SELP: variants seen among roughly 807,000 people sequenced by gnomAD.
SELP encodes the protein P-selectin.
A neutral mutation model predicts 104.1 loss-of-function variants in SELP; 92 were observed. The ratio of observed to expected loss-of-function variants is 0.88; its 90% confidence interval spans 0.75 to 1.05. The LOEUF (loss-of-function observed/expected upper bound fraction) is 1.05. Among genes scored for constraint, SELP ranks in the 50% least tolerant of loss-of-function variants. The pLI, the probability that SELP is intolerant of heterozygous loss-of-function variation, is 0.00. For synonymous variants in SELP, 397 were observed against 364.5 expected (o/e 1.09, Z -1.01); for missense variants, 1,022 against 1,017.3 (o/e 1.00, Z -0.06).
At chr1:169,612,481 G>A in intron 5 of SELP, 79 bp from the exon 6 acceptor site, 1 of 1,397,766 alleles carries the variant, frequency 7.2e-7, no homozygotes, top group Admixed American at 1.8e-5. Flanking sequence ...AAATTCTGCA[G>A]CAGTCACACC....
chr1:169,594,952 C>G lies in SELP; in HGVS notation c.2102-75G>C, dbSNP rs563750271. The G allele has an allele frequency of 1.1e-5, 15 of 1,331,928 alleles. 1 individual carries two copies. The South Asian group carries it at 1.7e-4, about 15-fold the overall frequency. 82.5% of individuals were successfully genotyped at this position (1,331,928 alleles called of 1,614,324 possible). ...AAGAGATTATAGTTTCTTTTGTAAC[C>G]TAACATTGCCAATAAATGAGGCAGA... On this transcript the variant is annotated intron_variant, in intron 12 of 16. Coordinates refer to ENST00000263686, the MANE Select transcript of SELP (RefSeq NM_003005.4).
intron 7 of SELP, among the ~76,000 whole-genome samples, 156 bp from the exon 8 acceptor site, chr1:169,609,845 C>T (rs1176061085): frequency 6.6e-6 from 1 of 152,108 alleles, no homozygotes; most frequent in African/African-American, 2.4e-5. Context: ...CCTGGAACAC[C>T]TTCCCATGCC....
At position 169,621,757 on chromosome 1, in the gene SELP, T is replaced by C. The variant is rs1000889281; in HGVS notation, c.4-2538A>G. 2.6e-5 allele frequency among the ~76,000 whole-genome samples: 4 copies of C among 152,324 alleles called. No homozygotes were observed. The East Asian group carries it at 7.7e-4, about 29-fold the overall frequency. On this transcript the variant is annotated intron_variant, in intron 1 of 16. Coordinates refer to ENST00000263686, the MANE Select transcript of SELP (RefSeq NM_003005.4). ...AAGCTGCTGATCTCTGCAGGACCTA[T>C]GATTAAACACTGAGAGTATCATAAC... is the stretch of plus-strand genomic sequence containing the variant.
rs762259393 is a variant in SELP, at chr1:169,611,582, C to T, written c.1057G>A (p.Glu353Lys). The T allele has an allele frequency of 6.2e-7, 1 of 1,614,116 alleles. No individual in the cohort carries two copies. Among genetic ancestry groups the T allele is most frequent in the Non-Finnish European group, 8.5e-7 (1 of 1,180,016 alleles). ...CTCACTCTGTAGCCGGGCTGGCACT[C>T]AAATTTACAGCTGGAGCCATAGGCA... ...AFAYGSSCKF[E>K]CQPGYRVRGL... Residue 353 changes from glutamate (E) to lysine (K), a missense_variant, in exon 7 of 17, where the codon GAG becomes AAG. By Grantham distance (56) the Glu-to-Lys change is moderately conservative. Coordinates refer to ENST00000263686, the MANE Select transcript of SELP (RefSeq NM_003005.4).
rs1250508799 is a variant in SELP at position 169,613,048 on chromosome 1, T to C, written c.656A>G (p.Asn219Ser). ...VLMNCSHPLG[N>S]FSFNSQCSFH... ...GCTGCACTGCGAGTTAAAAGAGAAG[T>C]TTCCCAGAGGGTGGCTGCAGTTCAT... The change falls in exon 5 of 17, where the codon AAC (asparagine) becomes AGC (serine). Residue 219 changes from asparagine (N) to serine (S), a missense_variant. Coordinates refer to ENST00000263686, the MANE Select transcript of SELP (RefSeq NM_003005.4). 1.2e-6 allele frequency: 2 copies of C among 1,613,790 alleles called. No homozygotes were observed. Among genetic ancestry groups the C allele is most frequent in the Non-Finnish European group, 1.7e-6 (2 of 1,179,794 alleles).
Position 169,617,068 on chromosome 1 carries a change from A to C in SELP, c.441T>G (p.Asp147Glu). Residue 147 changes from aspartate to glutamate, a missense_variant, in exon 3 of 17, where the codon GAT becomes GAG. Transcript: ENST00000263686. ...CGTGCTTTTTCTTCAAGCAGTGCTC[A>C]TCATTCCACTTGCCAGGGGCTGACG... The part of the protein sequence containing the change: ...KSPSAPGKWN[D>E]EHCLKKKHAL... 6.2e-7 allele frequency: 1 copy of C among 1,613,816 alleles called. No individual in the cohort carries two copies. Among genetic ancestry groups the C allele is most frequent in the Non-Finnish European group, 8.5e-7 (1 of 1,179,960 alleles).
intron 6 of SELP, 61 bp from the exon 7 acceptor site, chr1:169,611,738 G>A: frequency 2.0e-6 from 3 of 1,516,048 alleles, no homozygotes; most frequent in Admixed American, 1.8e-5. Context: ...GCCACACAGA[G>A]AGCAATGGTG....
At chr1:169,590,094 CA>C in intron 16 of SELP, 52 bp downstream of exon 16, 1 of 1,209,926 alleles carries the variant, frequency 8.3e-7, no homozygotes, top group Non-Finnish European at 1.2e-6. Flanking sequence ...TATAGTCTTC[CA>C]TTTTTCCCTA....
intron 11 of SELP, among the ~76,000 whole-genome samples, chr1:169,596,339 A>G (rs1159690844): frequency 6.6e-6 from 1 of 152,198 alleles, no homozygotes. Context: ...ATCCTTGAGG[A>G]GATGATTCTC....
chr1:169,609,674 G>A lies in SELP; in HGVS notation c.1163C>T (p.Pro388Leu), dbSNP rs1043650610. 1.1e-5 allele frequency: 17 copies of A among 1,611,388 alleles called. No individual in the cohort carries two copies. The Middle Eastern group carries it at 5.0e-4, about 47-fold the overall frequency. Residue 388 changes from proline (P) to leucine (L), a missense_variant, in exon 8 of 17, where the codon CCG becomes CTG. Coordinates refer to ENST00000263686, the MANE Select transcript of SELP (RefSeq NM_003005.4). Reference protein sequence around the residue: ...LPTCEAISCEPLESPVHGSMD... With the variant: ...LPTCEAISCELLESPVHGSMD... ...GCTTCCGTGGACAGGACTCTCCAGC[G>A]GCTCACACGAAATAGCTAAGTGGAA...
intron 9 of SELP, among the ~76,000 whole-genome samples, chr1:169,605,143 C>T (rs1340384531): frequency 6.6e-6 from 1 of 152,158 alleles, no homozygotes; most frequent in Admixed American, 6.5e-5. Context: ...CCTGCACCAC[C>T]CAGGCTTGCC....
intron 11 of SELP, among the ~76,000 whole-genome samples, chr1:169,596,608 G>T (rs1661625305): frequency 6.6e-6 from 1 of 152,190 alleles, no homozygotes; most frequent in Admixed American, 6.5e-5. Flanking sequence ...TCATTAACTT[G>T]CCATGTGGCA....
chr1:169,628,170 A>T (rs1187060773), intron 1 of SELP, among the ~76,000 whole-genome samples: 4 of 152,236 alleles, frequency 2.6e-5, no homozygotes, highest in African/African-American at 9.6e-5. Context: ...TGCTGGGATT[A>T]CAGGCATGAG....
intron 9 of SELP, among the ~76,000 whole-genome samples, chr1:169,605,090 C>T (rs974947133): frequency 4.6e-5 from 7 of 152,166 alleles, no homozygotes; most frequent in Non-Finnish European, 1.0e-4. Flanking sequence ...CTGTGAAACA[C>T]CCAGAGGCAG....
intron 4 of SELP, 40 bp from the exon 5 acceptor site, chr1:169,613,154 A>T: frequency 6.6e-7 from 1 of 1,512,692 alleles, no homozygotes; most frequent in African/African-American, 1.4e-5. Context: ...TTCCATGTAG[A>T]ATTAACAGCA....
chr1:169,593,388 A>G (rs1438864714), intron 14 of SELP, among the ~76,000 whole-genome samples: 2 of 152,152 alleles, frequency 1.3e-5, no homozygotes, highest in Non-Finnish European at 2.9e-5. Flanking sequence ...AAGTCTCCCC[A>G]TAGAAGGATC....
At chr1:169,594,578 G>A in intron 13 of SELP, 114 bp downstream of exon 13, 1 of 989,254 alleles carries the variant, frequency 1.0e-6, no homozygotes, top group East Asian at 2.5e-5. Context: ...TTATTAAGCA[G>A]GGGGAAACCC....
chr1:169,609,461 A>G, intron 8 of SELP, 43 bp downstream of exon 8: 1 of 1,569,156 alleles, frequency 6.4e-7, no homozygotes, highest in African/African-American at 1.4e-5. Flanking sequence ...GATGCCTCTA[A>G]CGAGCTGAGA....
chr1:169,609,483 A>C (rs757815946), intron 8 of SELP, 21 bp downstream of exon 8: 12 of 1,598,168 alleles, frequency 7.5e-6, no homozygotes, highest in Non-Finnish European at 1.0e-5. Flanking sequence ...ACACAGAAAA[A>C]CATTACCACT....
Sources: gnomAD v4.1 joint callset for allele counts (sites outside exome capture counted in the v4.1 genomes callset) on GRCh38, gnomAD v4.1.1 for gene constraint, MANE v1.5 for transcripts, NCBI Gene and HGNC (gene_info 2026-07-23, HGNC 2026-07-21) for gene names.